The following AUTS2 variants were observed in gnomAD, a reference collection of about 807,000 sequenced individuals.
AUTS2 encodes the protein autism susceptibility gene 2 protein.
AUTS2 carries 17 observed loss-of-function variants against 112.4 expected under a neutral mutation model. That is an observed-to-expected ratio of 0.15 (90% confidence interval 0.10 to 0.23). The LOEUF is 0.23. AUTS2 is among the 10% of genes least tolerant of loss of function. The probability of loss-of-function intolerance (pLI) is 1.00; values close to 1 mark genes in which losing one functional copy is unlikely to be tolerated. For missense variants in AUTS2, 1,510 were observed against 1,701.6 expected (o/e 0.89, Z 1.98); for synonymous variants, 751 against 702.7 (o/e 1.07, Z -1.09).
At chr7:69,654,706 G>A (rs532847031) in intron 1 of AUTS2, among the ~76,000 whole-genome samples, 4 of 152,166 alleles carry the variant, frequency 2.6e-5, no homozygotes, top group South Asian at 2.1e-4. Flanking sequence ...GACTTGTGAC[G>A]GTTTTCCTGT....
At chr7:70,710,339 A>G (rs80335025) in intron 6 of AUTS2, among the ~76,000 whole-genome samples, 3,991 of 152,198 alleles carry the variant, frequency 0.026, 206 homozygotes, top group African/African-American at 0.089. Flanking sequence ...TACCACCACG[A>G]ATTGAAATGA....
intron 1 of AUTS2, among the ~76,000 whole-genome samples, chr7:69,889,325 C>A (rs1260280112): frequency 6.6e-6 from 1 of 152,202 alleles, no homozygotes; most frequent in Non-Finnish European, 1.5e-5. Flanking sequence ...CCAGGAAGAT[C>A]CAGTTACCAA....
chr7:70,100,734 A>T (rs920000557), intron 2 of AUTS2, among the ~76,000 whole-genome samples: 42 of 152,188 alleles, frequency 2.8e-4, no homozygotes, highest in Admixed American at 2.7e-3. Context: ...TTTAGGTAGC[A>T]AATGACATTG....
chr7:69,666,452 C>T (rs1234029375), intron 1 of AUTS2, among the ~76,000 whole-genome samples: 1 of 152,164 alleles, frequency 6.6e-6, no homozygotes, highest in Non-Finnish European at 1.5e-5. Context: ...CTACTTTTAA[C>T]AGGTTCTTCT....
chr7:69,791,264 T>G (rs1469476204), intron 1 of AUTS2, among the ~76,000 whole-genome samples: 1 of 152,248 alleles, frequency 6.6e-6, no homozygotes, highest in African/African-American at 2.4e-5. Context: ...TTTAGTGCAC[T>G]TGGCGAGTGA....
intron 5 of AUTS2, among the ~76,000 whole-genome samples, chr7:70,548,361 G>T (rs1563032973): frequency 3.9e-5 from 6 of 152,046 alleles, no homozygotes; most frequent in Non-Finnish European, 5.9e-5. Context: ...CTCCCAGTCA[G>T]TGGCTTGACT....
intron 1 of AUTS2, among the ~76,000 whole-genome samples, chr7:69,785,360 G>C (rs1789322369): frequency 3.3e-5 from 5 of 152,232 alleles, no homozygotes; most frequent in Admixed American, 3.3e-4. Flanking sequence ...TATGTTGTAA[G>C]GGTCTGCTTT....
intron 2 of AUTS2, among the ~76,000 whole-genome samples, chr7:69,942,457 T>C (rs1477755678): frequency 1.3e-5 from 2 of 152,210 alleles, no homozygotes; most frequent in African/African-American, 4.8e-5. Context: ...TTTTTCTTTT[T>C]AAGAAAGGGT....
At chr7:69,884,855 T>C (rs1364123474) in intron 1 of AUTS2, among the ~76,000 whole-genome samples, 2 of 152,222 alleles carry the variant, frequency 1.3e-5, no homozygotes, top group Admixed American at 1.3e-4. Flanking sequence ...GTCTAATTTA[T>C]TCTCACTGCA....
At chr7:69,830,802 A>G (rs751473229) in intron 1 of AUTS2, among the ~76,000 whole-genome samples, 13 of 152,238 alleles carry the variant, frequency 8.5e-5, no homozygotes, top group Non-Finnish European at 1.3e-4. Context: ...AAACAAAAGT[A>G]CTAGGAATTT....
chr7:70,506,073 G>T (rs1025274319), intron 5 of AUTS2, among the ~76,000 whole-genome samples: 8 of 152,210 alleles, frequency 5.3e-5, no homozygotes, highest in Non-Finnish European at 1.2e-4. Context: ...TGGAACACGG[G>T]GAGCCACGTG....
At chr7:70,318,512 C>T (rs1035264020) in intron 4 of AUTS2, among the ~76,000 whole-genome samples, 2 of 151,994 alleles carry the variant, frequency 1.3e-5, no homozygotes, top group African/African-American at 4.8e-5. Context: ...GCTTGAGGCT[C>T]AGAAGGAAAG....
intron 4 of AUTS2, among the ~76,000 whole-genome samples, chr7:70,250,190 G>A (rs537605059): frequency 6.6e-6 from 1 of 152,118 alleles, no homozygotes; most frequent in African/African-American, 2.4e-5. Context: ...TACTAATTGG[G>A]TAACACCATC....
intron 5 of AUTS2, among the ~76,000 whole-genome samples, chr7:70,548,440 T>G (rs534856549): frequency 7.0e-6 from 1 of 143,536 alleles, no homozygotes; most frequent in Admixed American, 6.8e-5. Context: ...AGTTTATCAG[T>G]TTTTTTTTTA....
chr7:70,215,140 C>G (rs1309356765), intron 4 of AUTS2, among the ~76,000 whole-genome samples: 1 of 152,116 alleles, frequency 6.6e-6, no homozygotes, highest in African/African-American at 2.4e-5. Flanking sequence ...CAAAAATTAG[C>G]TAGGTGCGGT....
chr7:69,785,821 T>C (rs1789345501), intron 1 of AUTS2, among the ~76,000 whole-genome samples: 1 of 152,074 alleles, frequency 6.6e-6, no homozygotes, highest in South Asian at 2.1e-4. Context: ...ATCACAGTGA[T>C]TGGTTTTTTT....
At chr7:70,168,041 C>T (rs1183786610) in intron 4 of AUTS2, among the ~76,000 whole-genome samples, 1 of 152,184 alleles carries the variant, frequency 6.6e-6, no homozygotes, top group Non-Finnish European at 1.5e-5. Context: ...AATGTGATTT[C>T]TTTGGATAAA....
At chr7:70,307,908 G>C (rs1378503985) in intron 4 of AUTS2, among the ~76,000 whole-genome samples, 1 of 152,136 alleles carries the variant, frequency 6.6e-6, no homozygotes, top group Non-Finnish European at 1.5e-5. Context: ...ATCCGAAAGA[G>C]TCACAGAGCT....
chr7:70,139,957 C>T (rs934160908), intron 4 of AUTS2, among the ~76,000 whole-genome samples: 19 of 152,142 alleles, frequency 1.2e-4, no homozygotes, highest in East Asian at 5.8e-4. Flanking sequence ...GACAGGATGG[C>T]GCCATTGCAC....
Sources: gnomAD v4.1 joint callset for allele counts (sites outside exome capture counted in the v4.1 genomes callset) on GRCh38, gnomAD v4.1.1 for gene constraint, MANE v1.5 for transcripts, NCBI Gene and HGNC (gene_info 2026-07-23, HGNC 2026-07-21) for gene names.